The following RALGPS1 variants were observed in gnomAD, a reference collection of about 807,000 sequenced individuals.
RALGPS1 encodes ras-specific guanine nucleotide-releasing factor RalGPS1.
RALGPS1 carries 19 observed loss-of-function variants against 78.8 expected under a neutral mutation model. The ratio of observed to expected loss-of-function variants is 0.24; its 90% confidence interval spans 0.17 to 0.35. RALGPS1 has a LOEUF of 0.35. Ranked by LOEUF, RALGPS1 falls within the 10% of genes least tolerant of loss-of-function variation. RALGPS1 has a pLI of 1.00. For missense variants in RALGPS1, 454 were observed against 688.3 expected (o/e 0.66, Z 3.81); for synonymous variants, 228 against 256.3 (o/e 0.89, Z 1.06).
intron 1 of RALGPS1, among the ~76,000 whole-genome samples, chr9:126,961,167 T>G (rs2132102513): frequency 6.6e-6 from 1 of 152,258 alleles, no homozygotes; most frequent in East Asian, 1.9e-4. Context: ...TGCACTTGGG[T>G]GACAGAACAG....
At chr9:127,054,495 C>T (rs573538184) in intron 7 of RALGPS1, among the ~76,000 whole-genome samples, 3 of 152,176 alleles carry the variant, frequency 2.0e-5, no homozygotes, top group Non-Finnish European at 4.4e-5. Context: ...CGCAGAGATA[C>T]GGTCCACTCA....
At position 127,053,363 on chromosome 9, in the gene RALGPS1, C is replaced by T. The variant is rs548913878; in HGVS notation, c.483+424C>T. On this transcript the variant is annotated intron_variant, in intron 7 of 18. Transcript: ENST00000259351. ...TTTCTCTGGAGAAACCTGTGACCCC[C>T]GTGTAGGAAAAAACGGATTTTTTTC... Among the ~76,000 whole-genome samples, 41 of 152,180 alleles carry T rather than the reference C, an allele frequency of 2.7e-4. 1 individual carries two copies. The highest frequency in any genetic ancestry group is 2.5e-3 in the South Asian group (12 of 4,822).
intron 5 of RALGPS1, among the ~76,000 whole-genome samples, chr9:127,037,519 G>A (rs1428806199): frequency 6.6e-6 from 1 of 152,212 alleles, no homozygotes; most frequent in African/African-American, 2.4e-5. Flanking sequence ...CATGGTTTAT[G>A]TATAATAACT....
chr9:127,116,628 A>G (rs2055453910), intron 8 of RALGPS1, among the ~76,000 whole-genome samples: 1 of 152,170 alleles, frequency 6.6e-6, no homozygotes, highest in African/African-American at 2.4e-5. Context: ...GGTGGACAGC[A>G]CTGCCCCAGG....
At chr9:127,159,672 G>A (rs1387613999) in intron 8 of RALGPS1, among the ~76,000 whole-genome samples, 1 of 152,202 alleles carries the variant, frequency 6.6e-6, no homozygotes, top group African/African-American at 2.4e-5. Context: ...TTCTCAGGGA[G>A]CCTGGGCCGC....
intron 8 of RALGPS1, among the ~76,000 whole-genome samples, chr9:127,125,742 A>T (rs747923753): frequency 3.3e-5 from 5 of 152,228 alleles, no homozygotes; most frequent in African/African-American, 4.8e-5. Context: ...AGACAGAAGC[A>T]TCATGTGACT....
chr9:127,195,004 G>A (rs1401820741), intron 11 of RALGPS1, 87 bp from the exon 12 acceptor site: 4 of 1,521,912 alleles, frequency 2.6e-6, no homozygotes, highest in Non-Finnish European at 3.6e-6. Context: ...CAAACCCGGG[G>A]CCCACCTCCA....
intron 1 of RALGPS1, among the ~76,000 whole-genome samples, chr9:126,932,612 CAAACAT>C (rs2035891989): frequency 6.6e-6 from 1 of 152,056 alleles, no homozygotes; most frequent in Non-Finnish European, 1.5e-5. Flanking sequence ...ATGAATTTCA[CAAACAT>C]AATGTTCATA....
intron 1 of RALGPS1, among the ~76,000 whole-genome samples, chr9:126,924,003 T>C (rs950616549): frequency 2.0e-5 from 3 of 152,234 alleles, no homozygotes; most frequent in Non-Finnish European, 4.4e-5. Context: ...TTATCACATA[T>C]AGTGTCCGTC....
At chr9:127,024,343 G>A (rs2045772763) in intron 4 of RALGPS1, among the ~76,000 whole-genome samples, 1 of 150,780 alleles carries the variant, frequency 6.6e-6, no homozygotes, top group South Asian at 2.1e-4. Context: ...TGTTTTTTCT[G>A]CTGGTTACTT....
At chr9:127,143,516 C>A (rs541509403) in intron 8 of RALGPS1, among the ~76,000 whole-genome samples, 1 of 152,270 alleles carries the variant, frequency 6.6e-6, no homozygotes, top group East Asian at 1.9e-4. Context: ...ATCTGCCTAC[C>A]CTCCAGACAT....
intron 8 of RALGPS1, among the ~76,000 whole-genome samples, chr9:127,074,017 G>T (rs1170412485): frequency 6.6e-6 from 1 of 152,144 alleles, no homozygotes; most frequent in East Asian, 1.9e-4. Context: ...GAGTAGCTGG[G>T]ATTACAGGTG....
Position 127,214,367 on chromosome 9 carries a change from G to A in RALGPS1, c.1553-384G>A, listed in dbSNP as rs113851172. Among the ~76,000 whole-genome samples the A allele has an allele frequency of 3.0e-3, 461 of 152,090 alleles. 3 individuals are homozygous for A. Among genetic ancestry groups the A allele is most frequent in the African/African-American group, 0.01 (424 of 41,468 alleles). ...CTCATCTCTTTTACAGTGCAGTATC[G>A]GACCGTACTAGATCTGTTTTTAGTG... is the stretch of plus-strand genomic sequence containing the variant. On this transcript the variant is annotated intron_variant, in intron 17 of 18. Transcript: ENST00000259351.
intron 8 of RALGPS1, among the ~76,000 whole-genome samples, chr9:127,156,182 A>G (rs900663306): frequency 6.6e-6 from 1 of 152,242 alleles, no homozygotes; most frequent in Admixed American, 6.5e-5. Context: ...TGGATATAAA[A>G]TAATTTATAT....
chr9:127,172,181 C>G (rs2139805606), intron 10 of RALGPS1, among the ~76,000 whole-genome samples: 1 of 152,370 alleles, frequency 6.6e-6, no homozygotes, highest in African/African-American at 2.4e-5. Context: ...CCCGCATGCC[C>G]TGCATTCCCT....
intron 8 of RALGPS1, among the ~76,000 whole-genome samples, chr9:127,160,995 G>T (rs1029638866): frequency 1.3e-5 from 2 of 152,202 alleles, no homozygotes; most frequent in Non-Finnish European, 2.9e-5. Flanking sequence ...TCTCAGCCTT[G>T]CCTGGTCCCT....
At chr9:127,135,686 A>C (rs868092782) in intron 8 of RALGPS1, among the ~76,000 whole-genome samples, 53 of 152,322 alleles carry the variant, frequency 3.5e-4, no homozygotes, top group African/African-American at 1.3e-3. Context: ...GGTGGGTCCC[A>C]AGCCAGGCTC....
intron 7 of RALGPS1, among the ~76,000 whole-genome samples, chr9:127,053,597 C>G (rs2048474584): frequency 6.6e-6 from 1 of 152,170 alleles, no homozygotes; most frequent in Non-Finnish European, 1.5e-5. Context: ...GATCTGGGGT[C>G]TCTCACAGCC....
chr9:127,149,327 G>A (rs2058286797), intron 8 of RALGPS1, among the ~76,000 whole-genome samples: 1 of 152,220 alleles, frequency 6.6e-6, no homozygotes, highest in Admixed American at 6.5e-5. Flanking sequence ...AATCTCAGAA[G>A]GTTTTGTTGT....
Sources: allele counts gnomAD v4.1 joint callset (sites outside exome capture counted in the v4.1 genomes callset), GRCh38; gene constraint gnomAD v4.1.1; transcripts MANE v1.5; gene names NCBI Gene and HGNC (gene_info 2026-07-23, HGNC 2026-07-21).